GRXCR2: variants seen among roughly 807,000 people sequenced by gnomAD.
The protein encoded by GRXCR2 is glutaredoxin and cysteine rich domain containing 2.
GRXCR2 carries 23 observed loss-of-function variants against 24.8 expected under a neutral mutation model. The observed-to-expected ratio is 0.93, with a 90% confidence interval of 0.67 to 1.32. The LOEUF is 1.32. Ranked by LOEUF, GRXCR2 falls within the 40% of genes most tolerant of loss-of-function variation. The pLI is 0.00. For synonymous variants in GRXCR2, 130 were observed against 116.1 expected (o/e 1.12, Z -0.77); for missense variants, 315 against 303.4 (o/e 1.04, Z -0.28).
intron 2 of GRXCR2, among the ~76,000 whole-genome samples, chr5:145,900,234 T>C (rs1294782867): frequency 6.6e-6 from 1 of 151,978 alleles, no homozygotes; most frequent in African/African-American, 2.4e-5. Context: ...GATAGTGAGT[T>C]CTTACGAGAT....
chr5:145,866,531 T>G lies in GRXCR2; in HGVS notation c.534A>C (p.Glu178Asp), dbSNP rs765415094. ...TATACCGGTTTTGGGGTAATGTGCTTTCTGCCTCCACCAAAGGTCTATCGT... is the reference window on the plus strand; with the variant it reads ...TATACCGGTTTTGGGGTAATGTGCTGTCTGCCTCCACCAAAGGTCTATCGT... ...DQHDRPLVEAESTLPQNRYTQ... is the reference protein window; with the variant it reads ...DQHDRPLVEADSTLPQNRYTQ... Residue 178 changes from glutamate to aspartate, a missense_variant, in exon 2 of 3, where the codon GAA (glutamate) becomes GAC (aspartate). Transcript: ENST00000377976. 3 of 1,614,160 alleles carry G rather than the reference T, an allele frequency of 1.9e-6. No individual in the cohort carries two copies. In the East Asian group the frequency reaches 6.7e-5, roughly 36 times the overall value.
chr5:145,881,205 A>C (rs528019315), intron 2 of GRXCR2, among the ~76,000 whole-genome samples: 106 of 152,350 alleles, frequency 7.0e-4, no homozygotes, highest in Non-Finnish European at 5.4e-4. Flanking sequence ...GAAAGAAATA[A>C]AGGGTATTCA....
intron 2 of GRXCR2, among the ~76,000 whole-genome samples, chr5:145,918,141 T>C (rs773249469): frequency 3.9e-5 from 6 of 152,214 alleles, no homozygotes; most frequent in Non-Finnish European, 7.3e-5. Context: ...GATTGCCACT[T>C]TTCAGTTGAA....
At chr5:145,929,964 A>G (rs1405888406) in intron 2 of GRXCR2, among the ~76,000 whole-genome samples, 1 of 152,212 alleles carries the variant, frequency 6.6e-6, no homozygotes, top group African/African-American at 2.4e-5. Context: ...CCCAAAAGGA[A>G]TAACACTGAA....
chr5:145,881,226 G>C (rs1430989281), intron 2 of GRXCR2, among the ~76,000 whole-genome samples: 1 of 152,230 alleles, frequency 6.6e-6, no homozygotes, highest in Non-Finnish European at 1.5e-5. Flanking sequence ...ATTAGGAAAA[G>C]AGGAGGTCAA....
chr5:145,930,901 A>T (rs545067122), intron 2 of GRXCR2, among the ~76,000 whole-genome samples: 1 of 152,354 alleles, frequency 6.6e-6, no homozygotes, highest in African/African-American at 2.4e-5. Flanking sequence ...TCCTCACTTT[A>T]TCCATGAGGA....
At chr5:145,923,963 G>C (rs1445093103) in intron 2 of GRXCR2, among the ~76,000 whole-genome samples, 2 of 152,048 alleles carry the variant, frequency 1.3e-5, no homozygotes, top group African/African-American at 4.8e-5. Flanking sequence ...TGAACTTCTA[G>C]ATGTAGAATT....
intron 2 of GRXCR2, among the ~76,000 whole-genome samples, chr5:145,924,892 T>C (rs1186335607): frequency 6.6e-6 from 1 of 152,156 alleles, no homozygotes; most frequent in Non-Finnish European, 1.5e-5. Context: ...ATTCTGTGAG[T>C]TGACAGTCAT....
At chr5:145,891,794 C>T (rs1056263572) in intron 2 of GRXCR2, among the ~76,000 whole-genome samples, 2 of 152,108 alleles carry the variant, frequency 1.3e-5, no homozygotes, top group South Asian at 2.1e-4. Context: ...GGTGGTTCTC[C>T]CAGCATGCAG....
At chr5:145,907,546 A>G (rs971598258) in intron 2 of GRXCR2, among the ~76,000 whole-genome samples, 1 of 151,850 alleles carries the variant, frequency 6.6e-6, no homozygotes, top group African/African-American at 2.4e-5. Flanking sequence ...AAAAAGTAAT[A>G]ATAATAATAA....
downstream of GRXCR2, among the ~76,000 whole-genome samples, chr5:145,858,285 G>C (rs1042350389): frequency 2.1e-5 from 3 of 145,594 alleles, no homozygotes; most frequent in African/African-American, 7.7e-5. Flanking sequence ...CTGCACTCCA[G>C]CCTGAGCAAC....
intron 2 of GRXCR2, among the ~76,000 whole-genome samples, chr5:145,880,545 C>G (rs547525492): frequency 6.6e-6 from 1 of 152,200 alleles, no homozygotes; most frequent in South Asian, 2.1e-4. Context: ...TAATTAATAG[C>G]CTACCAACCA....
chr5:145,891,299 T>C (rs886070789), intron 2 of GRXCR2, among the ~76,000 whole-genome samples: 1 of 152,074 alleles, frequency 6.6e-6, no homozygotes, highest in African/African-American at 2.4e-5. Flanking sequence ...GGACAGTGGG[T>C]TCAGCACACC....
rs572646020 is a variant in GRXCR2, at chr5:145,914,442, G to A, written c.-70+21259C>T. Among the ~76,000 whole-genome samples the A allele has an allele frequency of 7.2e-5, 11 of 152,016 alleles. No homozygotes were observed. The East Asian group carries it at 1.5e-3, about 21-fold the overall frequency. On this transcript the variant is annotated intron_variant, in intron 2 of 3. Coordinates refer to the GRXCR2 transcript ENST00000639411. ...TGTAATCTCAGCACTTTGGGAAGCC[G>A]AGGCAGGTGGATCACCTGAGGTCAG...
intron 2 of GRXCR2, among the ~76,000 whole-genome samples, chr5:145,896,675 T>C (rs1221853099): frequency 6.6e-5 from 10 of 152,086 alleles, no homozygotes; most frequent in Admixed American, 2.0e-4. Flanking sequence ...AACACTTTTA[T>C]ACTGTTGGTG....
At chr5:145,888,259 T>C (rs939775520) in intron 2 of GRXCR2, among the ~76,000 whole-genome samples, 2 of 152,168 alleles carry the variant, frequency 1.3e-5, no homozygotes, top group African/African-American at 4.8e-5. Context: ...GAAAGAGCTA[T>C]TTCAATTAAA....
chr5:145,887,861 G>A (rs1756799245), intron 2 of GRXCR2, among the ~76,000 whole-genome samples: 1 of 152,104 alleles, frequency 6.6e-6, no homozygotes. Flanking sequence ...CCAATCACAG[G>A]GATCCTAGAC....
In GRXCR2 at chr5:145,872,930, A is replaced by G. The variant is rs984962843; in HGVS notation, c.39T>C (p.Asp13=). ...TAAATCGTACTTTCCGGGGTTTGCC[A>G]TCACTCTTCTGATTCAGCTTTTTCT... is the stretch of plus-strand genomic sequence containing the variant. ...DPEKKLNQKS[D]GKPRKVRFKI... Residue 13 remains aspartate (D), a synonymous_variant, in exon 1 of 3, where the codon GAT becomes GAC. Transcript: ENST00000377976. 10 of 1,614,194 alleles carry G rather than the reference A, an allele frequency of 6.2e-6. No individual in the cohort carries two copies. Among genetic ancestry groups the G allele is most frequent in the South Asian group, 2.2e-5 (2 of 91,092 alleles).
intron 2 of GRXCR2, among the ~76,000 whole-genome samples, chr5:145,913,747 T>A (rs1433820321): frequency 6.6e-6 from 1 of 152,144 alleles, no homozygotes; most frequent in Non-Finnish European, 1.5e-5. Flanking sequence ...GGTTTGGAAC[T>A]CCTGGGCTCA....
Sources: gnomAD v4.1 joint callset for allele counts (sites outside exome capture counted in the v4.1 genomes callset) on GRCh38, gnomAD v4.1.1 for gene constraint, MANE v1.5 for transcripts, NCBI Gene and HGNC (gene_info 2026-07-23, HGNC 2026-07-21) for gene names.